Variants in PLCB4 observed in about 807,000 individuals in gnomAD.
The protein encoded by PLCB4 is phospholipase C beta 4, also known as 1-phosphatidylinositol 4,5-bisphosphate phosphodiesterase beta-4.
A neutral mutation model predicts 178.8 loss-of-function variants in PLCB4; 77 were observed. The ratio of observed to expected loss-of-function variants is 0.43; its 90% CI spans 0.36 to 0.52. PLCB4 has a LOEUF of 0.52. Ranked by LOEUF, PLCB4 falls within the 20% of genes least tolerant of loss-of-function variation. The probability of loss-of-function intolerance (pLI) is 0.00; values close to 1 mark genes in which losing one functional copy is unlikely to be tolerated. For synonymous variants in PLCB4, 496 were observed against 490.8 expected, an observed-to-expected ratio of 1.01 and a Z score of -0.14; for missense variants, 1,024 against 1,453.4, an observed-to-expected ratio of 0.70 and a Z score of 4.80.
intron 12 of PLCB4, among the ~76,000 whole-genome samples, chr20:9,374,705 A>C (rs935117735): frequency 6.6e-6 from 1 of 152,172 alleles, no homozygotes; most frequent in South Asian, 2.1e-4. Context: ...GGTCTTGAGG[A>C]TAAGTGCAGT....
At chr20:9,103,214 AC>A (rs1034707478) in intron 2 of PLCB4, among the ~76,000 whole-genome samples, 7 of 151,632 alleles carry the variant, frequency 4.6e-5, no homozygotes, top group African/African-American at 1.7e-4. Context: ...TTGGTCTAAG[AC>A]CCTTCTATAC....
chr20:9,385,603 C>T (rs1198454494), intron 14 of PLCB4, among the ~76,000 whole-genome samples: 11 of 140,688 alleles, frequency 7.8e-5, no homozygotes, highest in African/African-American at 2.4e-4. Context: ...CAGAGGCGCT[C>T]CTCACATCCC....
At chr20:9,196,927 G>A (rs1015079650) in intron 2 of PLCB4, among the ~76,000 whole-genome samples, 4 of 152,274 alleles carry the variant, frequency 2.6e-5, no homozygotes, top group South Asian at 2.1e-4. Context: ...ACAGTATAGC[G>A]ACAAAGCCCA....
intron 7 of PLCB4, among the ~76,000 whole-genome samples, chr20:9,360,695 A>G (rs2035245847): frequency 6.6e-6 from 1 of 152,252 alleles, no homozygotes; most frequent in African/African-American, 2.4e-5. Flanking sequence ...TTAGCCTGAC[A>G]GAGGAAGTGA....
In PLCB4 at chr20:9,405,312, G is replaced by T; in HGVS notation, c.1612-1G>T. ...ACAAATTATTTCCTTTCTCTAATTA[G>T]GCTTCAGATGACCTTGAACATGAAA... On this transcript the variant is annotated splice_acceptor_variant, in intron 20 of 39. Transcript: ENST00000378473. LOFTEE classifies it high-confidence loss of function. The T allele has an allele frequency of 6.5e-7, 1 of 1,537,450 alleles. No individual in the cohort carries two copies. The highest frequency in any genetic ancestry group is 2.3e-5 in the East Asian group (1 of 42,966).
intron 3 of PLCB4, among the ~76,000 whole-genome samples, chr20:9,262,689 A>G (rs1401907139): frequency 6.6e-6 from 1 of 152,184 alleles, no homozygotes; most frequent in Non-Finnish European, 1.5e-5. Flanking sequence ...ACTGTTGGAT[A>G]TGGACATGAA....
chr20:9,145,099 G>C (rs2092573760), intron 2 of PLCB4, among the ~76,000 whole-genome samples: 1 of 152,034 alleles, frequency 6.6e-6, no homozygotes. Context: ...GGACAACTGG[G>C]GTAACTGAGA....
At chr20:9,209,430 G>T (rs2093648917) in intron 2 of PLCB4, among the ~76,000 whole-genome samples, 1 of 151,756 alleles carries the variant, frequency 6.6e-6, no homozygotes, top group South Asian at 2.1e-4. Flanking sequence ...CCAGGACTGT[G>T]ACTATGACGG....
At chr20:9,321,536 T>C (rs1285374076) in intron 4 of PLCB4, among the ~76,000 whole-genome samples, 1 of 152,172 alleles carries the variant, frequency 6.6e-6, no homozygotes, top group African/African-American at 2.4e-5. Context: ...TTTAGTCTAG[T>C]TCTCTTAGGG....
At chr20:9,087,877 C>T (rs1281069664) in intron 1 of PLCB4, among the ~76,000 whole-genome samples, 1 of 152,226 alleles carries the variant, frequency 6.6e-6, no homozygotes, top group Non-Finnish European at 1.5e-5. Context: ...TGGAGTGTCT[C>T]TGTGTCCTTG....
intron 6 of PLCB4, 95 bp from the exon 7 acceptor site, chr20:9,338,799 T>G (rs2032826124): frequency 1.1e-6 from 1 of 948,074 alleles, no homozygotes; most frequent in Admixed American, 2.4e-5. Flanking sequence ...CTTATGTTTA[T>G]TTTTACATTA....
intron 14 of PLCB4, among the ~76,000 whole-genome samples, chr20:9,385,903 C>T (rs868491586): frequency 2.6e-5 from 4 of 152,180 alleles, no homozygotes; most frequent in Non-Finnish European, 4.4e-5. Flanking sequence ...CCAAGGCAGG[C>T]GGCTGGAAGG....
chr20:9,084,564 G>A (rs1392128580), intron 1 of PLCB4, among the ~76,000 whole-genome samples: 4 of 151,776 alleles, frequency 2.6e-5, no homozygotes, highest in Non-Finnish European at 4.4e-5. Context: ...GTGCATTGTA[G>A]TGTTTTGCTT....
chr20:9,205,997 G>A (rs2147213762), intron 2 of PLCB4, among the ~76,000 whole-genome samples: 1 of 152,194 alleles, frequency 6.6e-6, no homozygotes, highest in African/African-American at 2.4e-5. Flanking sequence ...CCTTTGTAAT[G>A]ATGCCACTAG....
At chr20:9,310,572 T>C (rs572593058) in intron 4 of PLCB4, among the ~76,000 whole-genome samples, 29 of 151,778 alleles carry the variant, frequency 1.9e-4, no homozygotes, top group Admixed American at 9.2e-4. Context: ...AATAGCCAGG[T>C]GTGGTGGCAC....
At chr20:9,361,805 G>A (rs2035357305) in intron 7 of PLCB4, among the ~76,000 whole-genome samples, 1 of 152,182 alleles carries the variant, frequency 6.6e-6, no homozygotes, top group Non-Finnish European at 1.5e-5. Flanking sequence ...CTGTCCAACA[G>A]TCCCATCTGT....
chr20:9,209,933 C>T (rs2093655157), intron 2 of PLCB4, among the ~76,000 whole-genome samples: 1 of 132,354 alleles, frequency 7.6e-6, no homozygotes, highest in Non-Finnish European at 1.5e-5. Flanking sequence ...CACTGAACTC[C>T]AGCCTGGGTG....
At chr20:9,284,578 A>G (rs1170935786) in intron 3 of PLCB4, among the ~76,000 whole-genome samples, 4 of 151,848 alleles carry the variant, frequency 2.6e-5, no homozygotes, top group Non-Finnish European at 5.9e-5. Flanking sequence ...GAAATGTATG[A>G]TCTTTTTCGT....
At chr20:9,106,599 G>A (rs1254023571) in intron 2 of PLCB4, among the ~76,000 whole-genome samples, 1 of 151,792 alleles carries the variant, frequency 6.6e-6, no homozygotes, top group Non-Finnish European at 1.5e-5. Flanking sequence ...CTCTCAAAGT[G>A]CGTTAAATAT....
Sources: gnomAD v4.1 joint callset for allele counts (sites outside exome capture counted in the v4.1 genomes callset) on GRCh38, gnomAD v4.1.1 for gene constraint, MANE v1.5 for transcripts, NCBI Gene and HGNC (gene_info 2026-07-23, HGNC 2026-07-21) for gene names.